Variants in TMCO6 observed in about 807,000 individuals in gnomAD.
The protein encoded by TMCO6 is transmembrane and coiled-coil domain-containing protein 6.
A neutral mutation model predicts 61.8 loss-of-function variants in TMCO6; 47 were observed. The observed-to-expected ratio is 0.76, with a 90% CI of 0.60 to 0.97. The LOEUF is 0.97. Ranked by LOEUF, TMCO6 falls within the 50% of genes least tolerant of loss-of-function variation. The pLI is 0.00. For synonymous variants in TMCO6, 261 were observed against 254.2 expected (o/e 1.03, Z -0.25); for missense variants, 557 against 601.6 (o/e 0.93, Z 0.78).
chr5:140,607,283 A>C, the TMCO6 span, among the ~76,000 whole-genome samples: 2 of 152,222 alleles, frequency 1.3e-5, no homozygotes, highest in African/African-American at 4.8e-5. Flanking sequence ...CATAAGTGGA[A>C]TCATACAATA....
At chr5:140,606,730 C>T in the TMCO6 span, among the ~76,000 whole-genome samples, 1 of 152,090 alleles carries the variant, frequency 6.6e-6, no homozygotes, top group African/African-American at 2.4e-5. Context: ...AGTTCGAGAC[C>T]AACCTGGGCA....
At chr5:140,620,404 C>A in the TMCO6 span, among the ~76,000 whole-genome samples, 13 of 152,058 alleles carry the variant, frequency 8.5e-5, no homozygotes, top group Non-Finnish European at 1.8e-4. Context: ...AGCACCGAAG[C>A]CTTTTAGGGC....
chr5:140,621,289 C>T, the TMCO6 span, among the ~76,000 whole-genome samples: 1 of 152,176 alleles, frequency 6.6e-6, no homozygotes, highest in Non-Finnish European at 1.5e-5. Context: ...GGGCTGAAGC[C>T]GTGACAGAAG....
chr5:140,612,566 C>T, the TMCO6 span, among the ~76,000 whole-genome samples: 27 of 152,118 alleles, frequency 1.8e-4, no homozygotes, highest in South Asian at 4.6e-3. Context: ...GTCTCGATCT[C>T]GCGACCTCGT....
chr5:140,646,918 T>G, downstream of TMCO6: 1 of 218,958 alleles, frequency 4.6e-6, no homozygotes, highest in Non-Finnish European at 9.2e-6. Context: ...ATTACTGAGA[T>G]TCTCACACAC....
chr5:140,647,265 C>A (rs1235620751), downstream of TMCO6: 1 of 1,551,952 alleles, frequency 6.4e-7, no homozygotes, highest in Non-Finnish European at 8.7e-7. Context: ...CCGTAGCGGG[C>A]CCAGAGCTTG....
chr5:140,644,799 C>G, intron 11 of TMCO6, 59 bp downstream of exon 11: 1 of 1,599,016 alleles, frequency 6.3e-7, no homozygotes, highest in South Asian at 1.1e-5. Context: ...ACAGTGGCTC[C>G]CTTCCCATCC....
At chr5:140,632,971 A>G in the TMCO6 span, 1 of 1,614,058 alleles carries the variant, frequency 6.2e-7, no homozygotes, top group Admixed American at 1.7e-5. The surrounding 1 kb of genome is among the most constrained non-coding windows in gnomAD (Gnocchi z 6.2). Context: ...AACAAGCAGG[A>G]CGCGCGCTCC....
the TMCO6 span, among the ~76,000 whole-genome samples, chr5:140,630,750 G>C: frequency 1.3e-3 from 204 of 152,330 alleles, 1 homozygote; most frequent in African/African-American, 4.2e-3. Context: ...TTTGAGTCTG[G>C]TTCTGGTAAT....
chr5:140,643,198 T>C (rs1164749670), intron 7 of TMCO6, among the ~76,000 whole-genome samples, 157 bp downstream of exon 7: 1 of 152,102 alleles, frequency 6.6e-6, no homozygotes, highest in Non-Finnish European at 1.5e-5. Flanking sequence ...ACCTTAGCTG[T>C]TTCTCTTTTT....
upstream of TMCO6, among the ~76,000 whole-genome samples, chr5:140,637,948 CTT>C (rs1262574162): frequency 6.7e-6 from 1 of 150,180 alleles, no homozygotes; most frequent in Admixed American, 6.6e-5. Context: ...CTCCTTTCCT[CTT>C]TTCTTTTCTT....
At chr5:140,631,733 G>A in the TMCO6 span, 9 of 922,192 alleles carry the variant, frequency 9.8e-6, no homozygotes, top group Admixed American at 2.3e-5. Flanking sequence ...ACACGGACCC[G>A]TTGTTTAAGA....
At chr5:140,627,910 A>C in the TMCO6 span, among the ~76,000 whole-genome samples, 2 of 152,108 alleles carry the variant, frequency 1.3e-5, no homozygotes, top group South Asian at 4.1e-4. Flanking sequence ...AATAAAAAAA[A>C]CAAGTAACAT....
In TMCO6 at chr5:140,644,523, A is replaced by T. The variant is rs1757268594; in HGVS notation, c.1201-50A>T. 3 of 1,595,808 alleles carry T rather than the reference A, an allele frequency of 1.9e-6. No homozygotes were observed. In the East Asian group the frequency reaches 6.7e-5, roughly 36 times the overall value. On this transcript the variant is annotated intron_variant, in intron 10 of 11. Coordinates refer to ENST00000394671, the MANE Select transcript of TMCO6 (RefSeq NM_018502.5). ...CATGTCATATATTTTAGCTATTGTT[A>T]TGATCTTTGTGTTTCATTCTTTGTA...
Position 140,639,595 on chromosome 5 carries a change from GGCGGGA to G in TMCO6, c.76_81del (p.Arg26_Glu27del). Reference sequence around the variant, plus strand: ...GGGGTGGAGGAGCTACGGCGCCGCCGGCGGGAGCGGGAGGCAGGTGTGGGCGGCCGA... The same window carrying G: ...GGGGTGGAGGAGCTACGGCGCCGCCGGCGGGAGGCAGGTGTGGGCGGCCGA... On this transcript the variant is annotated inframe_deletion, in exon 1 of 12. Coordinates refer to ENST00000394671, the MANE Select transcript of TMCO6 (RefSeq NM_018502.5). The G allele has an allele frequency of 6.5e-7, 1 of 1,543,966 alleles. No homozygotes were observed. Among genetic ancestry groups the G allele is most frequent in the Non-Finnish European group, 8.7e-7 (1 of 1,143,592 alleles).
chr5:140,624,392 TA>T, the TMCO6 span, among the ~76,000 whole-genome samples: 1 of 144,236 alleles, frequency 6.9e-6, no homozygotes, highest in Admixed American at 6.9e-5. Context: ...AATAAATAAA[TA>T]AAGTATTCAA....
At chr5:140,632,795 ACC>A in the TMCO6 span, 3 of 1,613,658 alleles carry the variant, frequency 1.9e-6, no homozygotes, top group Non-Finnish European at 2.5e-6. This position sits in a 1 kb window ranked among gnomAD's most constrained non-coding sequence, Gnocchi z 6.2. Flanking sequence ...CTAGGTTGAG[ACC>A]GCCGGCATGG....
At chr5:140,646,980 C>A (rs1374470826), downstream of TMCO6, 1 of 382,088 alleles carries the variant, frequency 2.6e-6, no homozygotes, top group Non-Finnish European at 4.7e-6. Flanking sequence ...TATTGACTAA[C>A]TTCTCTCCTG....
upstream of TMCO6, among the ~76,000 whole-genome samples, chr5:140,638,513 A>G (rs1054462832): frequency 2.6e-5 from 4 of 151,794 alleles, no homozygotes; most frequent in Admixed American, 2.6e-4. Context: ...GATTGATCTA[A>G]TTATTTGAAG....
Sources: gnomAD v4.1 joint callset for allele counts (sites outside exome capture counted in the v4.1 genomes callset) on GRCh38, gnomAD v4.1.1 for gene constraint, Gnocchi (gnomAD v3.1) non-coding constraint, MANE v1.5 for transcripts, NCBI Gene and HGNC (gene_info 2026-07-23, HGNC 2026-07-21) for gene names.